Variants in RAB38 observed in about 807,000 individuals in gnomAD.
RAB38 encodes ras-related protein Rab-38.
A neutral mutation model predicts 18.4 loss-of-function variants in RAB38; 15 were observed. The observed-to-expected ratio is 0.82, with a 90% CI of 0.55 to 1.26. The LOEUF is 1.26. Ranked by LOEUF, RAB38 falls within the 50% of genes most tolerant of loss-of-function variation. The pLI is 0.00. For missense variants in RAB38, 294 were observed against 267.4 expected (o/e 1.10, Z -0.69); for synonymous variants, 101 against 104.4 (o/e 0.97, Z 0.20).
chr11:88,116,290 C>G (rs537359130), intron 2 of RAB38, among the ~76,000 whole-genome samples: 2 of 152,288 alleles, frequency 1.3e-5, no homozygotes, highest in East Asian at 3.9e-4. Flanking sequence ...TCTCCTCGCC[C>G]AGACTTCCAC....
At chr11:88,121,493 T>C (rs143569851) in intron 2 of RAB38, among the ~76,000 whole-genome samples, 1 of 152,320 alleles carries the variant, frequency 6.6e-6, no homozygotes, top group Non-Finnish European at 1.5e-5. Flanking sequence ...CAGACACTCA[T>C]AATACAATCC....
chr11:87,952,736 T>A, the RAB38 span, among the ~76,000 whole-genome samples: 1 of 152,242 alleles, frequency 6.6e-6, no homozygotes, highest in East Asian at 1.9e-4. Flanking sequence ...TCAGGAAATA[T>A]TTAATAGAAG....
At chr11:88,155,972 C>T (rs1346064683) in intron 1 of RAB38, among the ~76,000 whole-genome samples, 1 of 151,994 alleles carries the variant, frequency 6.6e-6, no homozygotes, top group East Asian at 1.9e-4. Context: ...GTCAGACATA[C>T]ATAAAAAAAG....
chr11:88,112,749 G>C (rs1942489590), downstream of RAB38, among the ~76,000 whole-genome samples: 1 of 151,298 alleles, frequency 6.6e-6, no homozygotes, highest in Admixed American at 6.6e-5. Flanking sequence ...ACTCCAGCCT[G>C]GTGACATAGC....
At chr11:87,839,130 G>T in the RAB38 span, among the ~76,000 whole-genome samples, 1 of 152,022 alleles carries the variant, frequency 6.6e-6, no homozygotes, top group Non-Finnish European at 1.5e-5. Context: ...TTTATTTAAT[G>T]GTTTTTATAC....
the RAB38 span, among the ~76,000 whole-genome samples, chr11:87,939,379 TACACACACACACAC>T: frequency 4.8e-5 from 7 of 146,296 alleles, no homozygotes; most frequent in Non-Finnish European, 7.6e-5. Flanking sequence ...CACACATACA[TACACACACACACAC>T]ACACACACAC....
At chr11:87,961,964 A>T in the RAB38 span, among the ~76,000 whole-genome samples, 1 of 152,154 alleles carries the variant, frequency 6.6e-6, no homozygotes, top group East Asian at 1.9e-4. Context: ...CCAACTCCCC[A>T]TTCAGAAAGC....
At chr11:88,038,210 A>G in the RAB38 span, among the ~76,000 whole-genome samples, 3 of 152,148 alleles carry the variant, frequency 2.0e-5, no homozygotes, top group Non-Finnish European at 4.4e-5. Context: ...CCCCAGCAGA[A>G]AGAATCCTGA....
chr11:87,899,307 T>C, the RAB38 span, among the ~76,000 whole-genome samples: 1 of 151,596 alleles, frequency 6.6e-6, no homozygotes, highest in Admixed American at 6.6e-5. Flanking sequence ...CAAATGCAGA[T>C]GAAAGGCACA....
the RAB38 span, among the ~76,000 whole-genome samples, chr11:87,916,336 C>T: frequency 6.6e-6 from 1 of 152,172 alleles, no homozygotes; most frequent in African/African-American, 2.4e-5. Flanking sequence ...GTATTTGAAT[C>T]ATGGGGGCAG....
chr11:88,158,325 T>G (rs1943149698), intron 1 of RAB38, among the ~76,000 whole-genome samples: 1 of 152,070 alleles, frequency 6.6e-6, no homozygotes, highest in African/African-American at 2.4e-5. Flanking sequence ...GCCAGATGGA[T>G]TCACAGCCAA....
intron 2 of RAB38, among the ~76,000 whole-genome samples, chr11:88,133,774 A>G (rs1942795664): frequency 6.6e-6 from 1 of 152,232 alleles, no homozygotes; most frequent in Admixed American, 6.5e-5. Context: ...TACTCAGAAG[A>G]ATAGCATAGA....
the RAB38 span, among the ~76,000 whole-genome samples, chr11:87,851,446 A>C: frequency 6.6e-6 from 1 of 152,220 alleles, no homozygotes; most frequent in Non-Finnish European, 1.5e-5. Flanking sequence ...GGCAGTATTT[A>C]GAATGGCATT....
the RAB38 span, among the ~76,000 whole-genome samples, chr11:87,883,694 C>A: frequency 1.3e-5 from 2 of 151,756 alleles, no homozygotes; most frequent in Non-Finnish European, 2.9e-5. Flanking sequence ...CAACAGAGAC[C>A]CTTTCCAGGT....
At chr11:87,926,344 T>C in the RAB38 span, among the ~76,000 whole-genome samples, 1 of 152,048 alleles carries the variant, frequency 6.6e-6, no homozygotes, top group Non-Finnish European at 1.5e-5. Flanking sequence ...CAAACTATTG[T>C]CAATTAAAAT....
the RAB38 span, among the ~76,000 whole-genome samples, chr11:88,010,671 A>C: frequency 1.3e-5 from 2 of 152,126 alleles, no homozygotes; most frequent in African/African-American, 4.8e-5. Flanking sequence ...GTATTTTACA[A>C]ATCACTTTTA....
At chr11:88,039,945 T>C in the RAB38 span, among the ~76,000 whole-genome samples, 16 of 152,294 alleles carry the variant, frequency 1.1e-4, no homozygotes, top group African/African-American at 3.1e-4. Context: ...AATTGCACCA[T>C]TGATTGTAAA....
the RAB38 span, among the ~76,000 whole-genome samples, chr11:88,029,067 C>A: frequency 2.0e-5 from 3 of 151,914 alleles, no homozygotes; most frequent in South Asian, 4.2e-4. Context: ...AGAGTGGGGG[C>A]CAATATTCAA....
At chr11:87,881,673 CTAA>C in the RAB38 span, among the ~76,000 whole-genome samples, 1 of 151,688 alleles carries the variant, frequency 6.6e-6, no homozygotes, top group African/African-American at 2.4e-5. Context: ...ATGGGTTTGT[CTAA>C]TATGAGCTTC....
Sources: allele counts gnomAD v4.1 joint callset (sites outside exome capture counted in the v4.1 genomes callset), GRCh38; gene constraint gnomAD v4.1.1; transcripts MANE v1.5; gene names NCBI Gene and HGNC (gene_info 2026-07-23, HGNC 2026-07-21).